The following PALD1 variants were observed in gnomAD, a reference collection of about 807,000 sequenced individuals.
PALD1 encodes phosphatase domain containing paladin 1, also known as paladin.
A neutral mutation model predicts 96.0 loss-of-function variants in PALD1; 57 were observed. The observed-to-expected ratio is 0.59, with a 90% CI of 0.48 to 0.74. The LOEUF is 0.74. Ranked by LOEUF, PALD1 falls within the 30% of genes least tolerant of loss-of-function variation. The pLI is 0.00. For synonymous variants in PALD1, 464 were observed against 473.6 expected (o/e 0.98, Z 0.26); for missense variants, 1,063 against 1,143.7 (o/e 0.93, Z 1.02).
At chr10:70,495,895 C>T (rs1846186361) in intron 1 of PALD1, among the ~76,000 whole-genome samples, 1 of 151,492 alleles carries the variant, frequency 6.6e-6, no homozygotes, top group Non-Finnish European at 1.5e-5. Flanking sequence ...TGTAGTTCCC[C>T]AGATACTTGG....
chr10:70,529,362 C>A, intron 3 of PALD1, 31 bp downstream of exon 3: 2 of 1,074,116 alleles, frequency 1.9e-6, no homozygotes, highest in Non-Finnish European at 2.9e-6. Context: ...GCCAGCCCGC[C>A]TGCTGCCTCC....
At chr10:70,564,682 T>C (rs1053744221) in intron 19 of PALD1, among the ~76,000 whole-genome samples, 163 bp downstream of exon 19, 5 of 152,236 alleles carry the variant, frequency 3.3e-5, no homozygotes, top group African/African-American at 4.8e-5. Flanking sequence ...GCCAAGAGTT[T>C]GTCTAATCTG....
At chr10:70,564,644 C>A in intron 19 of PALD1, 125 bp downstream of exon 19, 1 of 857,924 alleles carries the variant, frequency 1.2e-6, no homozygotes, top group East Asian at 2.5e-5. Context: ...GAGCCCCCAT[C>A]CCCCTTTCTG....
upstream of PALD1, among the ~76,000 whole-genome samples, chr10:70,476,035 A>G (rs1845817095): frequency 6.6e-6 from 1 of 152,218 alleles, no homozygotes; most frequent in African/African-American, 2.4e-5. Context: ...CAAGCATGAT[A>G]ACATGGTGTC....
chr10:70,493,059 A>G (rs1846125370), intron 1 of PALD1, among the ~76,000 whole-genome samples: 1 of 151,890 alleles, frequency 6.6e-6, no homozygotes, highest in Admixed American at 6.6e-5. Context: ...ACAGGAAACA[A>G]ATGGGCTCAC....
chr10:70,485,058 G>A (rs1047965072), intron 1 of PALD1, among the ~76,000 whole-genome samples: 23 of 152,118 alleles, frequency 1.5e-4, no homozygotes, highest in African/African-American at 5.1e-4. Context: ...CTTTTCATGT[G>A]AAATTCATGA....
the PALD1 span, among the ~76,000 whole-genome samples, chr10:70,460,925 T>G: frequency 1.3e-5 from 2 of 152,094 alleles, no homozygotes; most frequent in South Asian, 2.1e-4. Flanking sequence ...CGTGGTGGCA[T>G]GCGCCTGTAA....
the PALD1 span, among the ~76,000 whole-genome samples, chr10:70,465,339 C>T: frequency 6.6e-6 from 1 of 152,110 alleles, no homozygotes; most frequent in African/African-American, 2.4e-5. Flanking sequence ...TTCCATTTTA[C>T]AGGTGGGGAA....
intron 18 of PALD1, among the ~76,000 whole-genome samples, chr10:70,557,521 C>T (rs1026273304): frequency 4.6e-5 from 7 of 152,202 alleles, no homozygotes; most frequent in African/African-American, 1.7e-4. Flanking sequence ...ATGATGTCAC[C>T]TTTGGAAAAT....
intron 1 of PALD1, among the ~76,000 whole-genome samples, chr10:70,510,135 G>A (rs1445154704): frequency 6.6e-6 from 1 of 152,174 alleles, no homozygotes; most frequent in Non-Finnish European, 1.5e-5. Context: ...GGGGGTACTT[G>A]AGTGCTGGGC....
intron 3 of PALD1, 74 bp downstream of exon 3, chr10:70,529,405 C>T (rs1846947428): frequency 1.4e-6 from 1 of 730,846 alleles, no homozygotes; most frequent in Non-Finnish European, 2.4e-6. Flanking sequence ...CCTCCCTCAC[C>T]TCCCTCTGGC....
At chr10:70,484,142 A>G (rs1408878147) in intron 1 of PALD1, among the ~76,000 whole-genome samples, 1 of 152,098 alleles carries the variant, frequency 6.6e-6, no homozygotes, top group Non-Finnish European at 1.5e-5. Context: ...AGCTGGGATT[A>G]CAGGTGCCCA....
intron 10 of PALD1, among the ~76,000 whole-genome samples, chr10:70,535,051 A>G (rs2132381314): frequency 6.6e-6 from 1 of 152,364 alleles, no homozygotes; most frequent in Middle Eastern, 3.4e-3. Flanking sequence ...TTTCCTGACC[A>G]GGTCCCTTCA....
At chr10:70,508,139 T>C (rs1422820153) in intron 1 of PALD1, among the ~76,000 whole-genome samples, 4 of 152,206 alleles carry the variant, frequency 2.6e-5, no homozygotes, top group Non-Finnish European at 5.9e-5. Context: ...CAGCAGCATC[T>C]TTTCTGTCGC....
chr10:70,556,983 A>G (rs1847625705), intron 18 of PALD1, among the ~76,000 whole-genome samples: 1 of 152,202 alleles, frequency 6.6e-6, no homozygotes, highest in South Asian at 2.1e-4. Context: ...TAGTGAGTGG[A>G]TGGAGGGAAG....
At chr10:70,488,464 A>G (rs1247701910) in intron 1 of PALD1, among the ~76,000 whole-genome samples, 1 of 152,234 alleles carries the variant, frequency 6.6e-6, no homozygotes, top group Non-Finnish European at 1.5e-5. Flanking sequence ...CTTCATAGAA[A>G]GTAAAATGTC....
At chr10:70,565,516 A>T (rs1037845181) in intron 19 of PALD1, among the ~76,000 whole-genome samples, 1 of 152,156 alleles carries the variant, frequency 6.6e-6, no homozygotes, top group African/African-American at 2.4e-5. Context: ...GGTGGAGAGC[A>T]GGGGCCGGTG....
At chr10:70,497,210 G>A (rs771391373) in intron 1 of PALD1, among the ~76,000 whole-genome samples, 3 of 152,264 alleles carry the variant, frequency 2.0e-5, no homozygotes, top group Non-Finnish European at 2.9e-5. Context: ...ACCCCGATCA[G>A]CACATAGGGG....
In PALD1 at chr10:70,486,011, G is replaced by A. The variant is rs528291790; in HGVS notation, c.-30+6952G>A. 1.4e-5 allele frequency: 3 copies of A among 220,070 alleles called. No individual in the cohort carries two copies. The East Asian group carries it at 3.3e-4, about 24-fold the overall frequency. 13.6% of individuals were successfully genotyped at this position (220,070 alleles called of 1,614,324 possible). A position where few individuals can be genotyped will look rare whatever the true frequency, so the allele number is the denominator to read the frequency against. ...TGCTCCCTTTATGAGGCAAGCTGTT[G>A]TTCTTGGGGCATCATCTTATTTAAT... On this transcript the variant is annotated intron_variant, in intron 1 of 19. Coordinates refer to ENST00000263563, the MANE Select transcript of PALD1 (RefSeq NM_014431.3).
Sources: allele counts gnomAD v4.1 joint callset (sites outside exome capture counted in the v4.1 genomes callset), GRCh38; gene constraint gnomAD v4.1.1; transcripts MANE v1.5; gene names NCBI Gene and HGNC (gene_info 2026-07-23, HGNC 2026-07-21).